Variants in CDC42BPA observed in about 807,000 individuals in gnomAD.
CDC42BPA encodes serine/threonine-protein kinase MRCK alpha.
Under a neutral mutation model 223.5 loss-of-function variants are expected in CDC42BPA, and 80 were observed. That is an observed-to-expected ratio of 0.36 (90% CI 0.30 to 0.43). The LOEUF (loss-of-function observed/expected upper bound fraction) is 0.43, where lower values mean the gene tolerates loss of function less well. CDC42BPA is among the 20% of genes least tolerant of loss of function. The probability of loss-of-function intolerance (pLI) is 1.00; values close to 1 mark genes in which losing one functional copy is unlikely to be tolerated. For missense variants in CDC42BPA, 1,743 were observed against 2,099.9 expected, an observed-to-expected ratio of 0.83 and a Z score of 3.32; for synonymous variants, 694 against 718.6, an observed-to-expected ratio of 0.97 and a Z score of 0.55.
At chr1:227,080,401 T>A (rs1427268926) in intron 17 of CDC42BPA, among the ~76,000 whole-genome samples, 1 of 152,118 alleles carries the variant, frequency 6.6e-6, no homozygotes, top group African/African-American at 2.4e-5. Context: ...AAGAAAGAGC[T>A]GATAAAACTA....
At chr1:227,082,485 CG>C (rs1478152695) in intron 16 of CDC42BPA, among the ~76,000 whole-genome samples, 1 of 151,784 alleles carries the variant, frequency 6.6e-6, no homozygotes, top group Admixed American at 6.6e-5. Flanking sequence ...GAGGCTGAGA[CG>C]GGTGGATCAC....
intron 1 of CDC42BPA, among the ~76,000 whole-genome samples, chr1:227,276,287 G>A (rs940529086): frequency 2.7e-5 from 4 of 149,456 alleles, no homozygotes; most frequent in East Asian, 2.0e-4. Flanking sequence ...GTCTCTGCCC[G>A]ACTGCCAACC....
Position 227,100,777 on chromosome 1 carries a change from T to TGTGTGCGC in CDC42BPA, c.2249+214_2249+215insGCGCACAC, listed in dbSNP as rs777124731. Among the ~76,000 whole-genome samples, 271 of 128,596 alleles carry TGTGTGCGC rather than the reference T, an allele frequency of 2.1e-3. 1 individual carries two copies. The highest frequency in any genetic ancestry group is 3.7e-3 in the Admixed American group (42 of 11,312). 84.4% of individuals were successfully genotyped at this position (128,596 alleles called of 152,430 possible). ...GTGTGTGTGTGTGTGTGTGTGTGTG[T>TGTGTGCGC]GCGTGTGCCATCATACCCAGCTAGA... On this transcript the variant is annotated intron_variant, in intron 15 of 36. Coordinates refer to ENST00000366766, the MANE Select transcript of CDC42BPA (RefSeq NM_001394014.1).
intron 1 of CDC42BPA, chr1:227,265,325 A>G (rs1285195259): frequency 2.4e-6 from 1 of 408,856 alleles, no homozygotes; most frequent in African/African-American, 2.0e-5. Context: ...ACAGGTACCT[A>G]TACCTCATAA....
At chr1:227,214,170 C>T (rs547954725) in intron 2 of CDC42BPA, among the ~76,000 whole-genome samples, 4 of 150,398 alleles carry the variant, frequency 2.7e-5, no homozygotes, top group African/African-American at 4.9e-5. Flanking sequence ...TGCTGTTCAA[C>T]GGGATATTTC....
intron 15 of CDC42BPA, among the ~76,000 whole-genome samples, chr1:227,094,875 A>G (rs758477669): frequency 6.6e-6 from 1 of 152,222 alleles, no homozygotes; most frequent in Non-Finnish European, 1.5e-5. Flanking sequence ...TGAGAATGTC[A>G]GAGTGGACCT....
chr1:227,275,662 G>A (rs2148511086), intron 1 of CDC42BPA, among the ~76,000 whole-genome samples: 1 of 150,696 alleles, frequency 6.6e-6, no homozygotes, highest in East Asian at 2.0e-4. Context: ...AGCGGAGGCT[G>A]GACTGTACTG....
intron 1 of CDC42BPA, among the ~76,000 whole-genome samples, chr1:227,276,532 G>A (rs1687084365): frequency 6.9e-6 from 1 of 145,536 alleles, no homozygotes; most frequent in Admixed American, 6.8e-5. Context: ...CCGTCCGGGA[G>A]GTGCGGGGCG....
intron 10 of CDC42BPA, 65 bp from the exon 11 acceptor site, chr1:227,129,296 A>G (rs1656493660): frequency 8.5e-7 from 1 of 1,180,920 alleles, no homozygotes. Flanking sequence ...AACTAATAAC[A>G]TTATTTTTTT....
chr1:227,104,114 G>T (rs1023185842), intron 14 of CDC42BPA, among the ~76,000 whole-genome samples: 1 of 151,970 alleles, frequency 6.6e-6, no homozygotes, highest in Non-Finnish European at 1.5e-5. Flanking sequence ...AGCAAATAAA[G>T]AGAGAATTTA....
Position 227,257,749 on chromosome 1 carries a change from G to C in CDC42BPA, c.179-3594C>G, listed in dbSNP as rs868132851. Among the ~76,000 whole-genome samples the C allele has an allele frequency of 9.8e-4, 144 of 146,898 alleles. 11 individuals carry two copies. Among genetic ancestry groups the C allele is most frequent in the African/African-American group, 3.6e-3 (142 of 39,226 alleles). On this transcript the variant is annotated intron_variant, in intron 1 of 36. Transcript: ENST00000366766. ...AGCCTGGGCGATTGAGTGAGACTCT[G>C]TCTCAAAAAAAAAAGGAAGAAAACT...
intron 27 of CDC42BPA, 87 bp downstream of exon 27, chr1:227,033,247 T>C (rs1669640284): frequency 2.6e-6 from 2 of 773,586 alleles, no homozygotes; most frequent in Middle Eastern, 3.1e-4. Flanking sequence ...GTTTTACTTA[T>C]AGTGAATTTA....
intron 1 of CDC42BPA, among the ~76,000 whole-genome samples, chr1:227,285,967 T>C (rs1029838549): frequency 1.3e-5 from 2 of 152,284 alleles, no homozygotes; most frequent in African/African-American, 2.4e-5. Context: ...CTTGAAACCA[T>C]TCTGTCCTCC....
intron 1 of CDC42BPA, among the ~76,000 whole-genome samples, chr1:227,272,383 A>G (rs1017948750): frequency 1.8e-4 from 27 of 152,190 alleles, no homozygotes; most frequent in African/African-American, 6.5e-4. Context: ...CCCTAAAGGA[A>G]AAGATTTAAC....
intron 16 of CDC42BPA, among the ~76,000 whole-genome samples, chr1:227,089,468 T>A (rs1682637723): frequency 6.6e-6 from 1 of 152,202 alleles, no homozygotes; most frequent in South Asian, 2.1e-4. Flanking sequence ...GAGCAGAGGT[T>A]CAAATGGAAA....
chr1:227,010,647 A>G (rs956693880), intron 34 of CDC42BPA, among the ~76,000 whole-genome samples: 4 of 152,208 alleles, frequency 2.6e-5, no homozygotes, highest in African/African-American at 7.2e-5. Flanking sequence ...GAAAATTGAA[A>G]TCTTCCCTAT....
At chr1:227,213,663 T>C (rs1166869792) in intron 2 of CDC42BPA, among the ~76,000 whole-genome samples, 1 of 152,128 alleles carries the variant, frequency 6.6e-6, no homozygotes, top group African/African-American at 2.4e-5. Flanking sequence ...AAAACAAATA[T>C]GTTTTGTGAG....
At chr1:227,221,099 A>G (rs2150446739) in intron 2 of CDC42BPA, among the ~76,000 whole-genome samples, 1 of 152,298 alleles carries the variant, frequency 6.6e-6, no homozygotes, top group African/African-American at 2.4e-5. Flanking sequence ...AAGTTCAATA[A>G]CAACTGTCTA....
intron 1 of CDC42BPA, among the ~76,000 whole-genome samples, chr1:227,277,359 T>C (rs1476118781): frequency 2.0e-5 from 3 of 152,198 alleles, no homozygotes; most frequent in Non-Finnish European, 4.4e-5. Context: ...ATATTAAATG[T>C]AGAAATGGCA....
Sources: gnomAD v4.1 joint callset for allele counts (sites outside exome capture counted in the v4.1 genomes callset) on GRCh38, gnomAD v4.1.1 for gene constraint, MANE v1.5 for transcripts, NCBI Gene and HGNC (gene_info 2026-07-23, HGNC 2026-07-21) for gene names.